DIS3: variants seen among roughly 807,000 people sequenced by gnomAD.
DIS3 encodes the protein exosome complex exonuclease RRP44.
A neutral mutation model predicts 113.0 loss-of-function variants in DIS3; 103 were observed. That is an observed-to-expected ratio of 0.91 (90% CI 0.78 to 1.07). The LOEUF is 1.07. DIS3 is among the 50% of genes least tolerant of loss of function. The probability of loss-of-function intolerance (pLI) is 0.00; values close to 1 mark genes in which losing one functional copy is unlikely to be tolerated. For missense variants in DIS3, 1,121 were observed against 1,167.1 expected (o/e 0.96, Z 0.58); for synonymous variants, 402 against 394.3 (o/e 1.02, Z -0.23).
At chr13:72,765,882 A>G (rs1462453323) in intron 15 of DIS3, 90 bp downstream of exon 15, 1 of 880,836 alleles carries the variant, frequency 1.1e-6, no homozygotes, top group Non-Finnish European at 1.6e-6. Context: ...ATTATTTTGT[A>G]TATAAACGTT....
chr13:72,763,597 A>C lies in DIS3; in HGVS notation c.1981T>G (p.Ser661Ala), dbSNP rs764907945. 1.9e-5 allele frequency: 30 copies of C among 1,610,732 alleles called. No individual in the cohort carries two copies. In the South Asian group the frequency reaches 3.2e-4, roughly 17 times the overall value. The change falls in exon 16 of 21, where the codon TCC (serine) becomes GCC (alanine). Residue 661 changes from serine (S) to alanine (A), a missense_variant. Physicochemically the swap from Ser to Ala is moderately conservative, Grantham distance 99 (BLOSUM62 1). This residue lies in a region of DIS3 where 861 missense variants were observed against 915.5 expected (regional missense o/e 0.94). Coordinates refer to ENST00000377767, the MANE Select transcript of DIS3 (RefSeq NM_014953.5). ...AGTAACATAAATTCTTCAACCATGGAATTTGTTTCCCTGCCAATGGAAAAA... is the reference window on the plus strand; with the variant it reads ...AGTAACATAAATTCTTCAACCATGGCATTTGTTTCCCTGCCAATGGAAAAA... ...LQTKELRETN[S>A]MVEEFMLLAN... is the part of the protein sequence containing the mutation.
intron 3 of DIS3, among the ~76,000 whole-genome samples, chr13:72,777,711 C>A (rs2034050624): frequency 6.6e-6 from 1 of 151,996 alleles, no homozygotes; most frequent in African/African-American, 2.4e-5. Flanking sequence ...CCTTAGCCTC[C>A]CGAGTAGCTG....
At chr13:72,778,490 A>C in intron 2 of DIS3, 110 bp from the exon 3 acceptor site, 1 of 777,680 alleles carries the variant, frequency 1.3e-6, no homozygotes, top group South Asian at 3.2e-5. Flanking sequence ...TCAATGGTAT[A>C]TCTTTTCTCT....
At position 72,758,933 on chromosome 13, in the gene DIS3, TAGTC is replaced by T. The variant is rs561567131; in HGVS notation, c.*858_*861del. On this transcript the variant is annotated 3_prime_UTR_variant, in exon 21 of 21. Coordinates refer to ENST00000377767, the MANE Select transcript of DIS3 (RefSeq NM_014953.5). Reference sequence around the variant, plus strand: ...TAATCTCTGTGATTAGCAAGGGAAGTAGTCAGTCTGGCACACCAAATTTTATTAA... The same window carrying T: ...TAATCTCTGTGATTAGCAAGGGAAGTAGTCTGGCACACCAAATTTTATTAA... 166 of 181,166 alleles carry T rather than the reference TAGTC, an allele frequency of 9.2e-4. 5 individuals carry two copies. In the South Asian group the frequency reaches 0.031, roughly 34 times the overall value. 11.2% of individuals were successfully genotyped at this position (181,166 alleles called of 1,614,324 possible). A position where few individuals can be genotyped will look rare whatever the true frequency, so the allele number is the denominator to read the frequency against.
chr13:72,773,531 G>C (rs1566248011), intron 8 of DIS3, among the ~76,000 whole-genome samples, 153 bp downstream of exon 8: 1 of 152,124 alleles, frequency 6.6e-6, no homozygotes, highest in Non-Finnish European at 1.5e-5. Flanking sequence ...AATTTTCAAA[G>C]TAGACATGCT....
Position 72,753,302 on chromosome 13 carries a change from T to C in DIS3, c.*6493A>G, listed in dbSNP as rs2138112339. The C allele has an allele frequency of 6.2e-6, 1 of 160,384 alleles. No homozygotes were observed. The highest frequency in any genetic ancestry group is 1.8e-4 in the East Asian group (1 of 5,516). The allele number at this position is 160,384 out of a possible 1,614,324, so 9.9% of individuals were successfully genotyped here. A position where few individuals can be genotyped will look rare whatever the true frequency, so the allele number is the denominator to read the frequency against. Reference sequence around the variant, plus strand: ...TAGGTGTAAATATAATATAATCCACTTTTTTAAAGGCAGCATGCCTCAAGC... The same window carrying C: ...TAGGTGTAAATATAATATAATCCACCTTTTTAAAGGCAGCATGCCTCAAGC... On this transcript the variant is annotated 3_prime_UTR_variant, in exon 21 of 21. Transcript: ENST00000377767.
intron 15 of DIS3, 98 bp downstream of exon 15, chr13:72,765,874 T>C: frequency 1.2e-6 from 1 of 809,782 alleles, no homozygotes; most frequent in Non-Finnish European, 1.8e-6. Flanking sequence ...CCCTAATCAT[T>C]ATTTTGTATA....
chr13:72,773,600 T>C, intron 8 of DIS3, 84 bp downstream of exon 8: 3 of 1,411,396 alleles, frequency 2.1e-6, no homozygotes, highest in Non-Finnish European at 2.9e-6. Context: ...TACATAAAAG[T>C]AGATTGTTTT....
In DIS3 at chr13:72,755,803, A is replaced by T; in HGVS notation, c.*3992T>A. ...TACTACTTTTAAGTATGTAAATACTAGAAAGGTAGTACTAGTGACATCATC... is the reference window on the plus strand; with the variant it reads ...TACTACTTTTAAGTATGTAAATACTTGAAAGGTAGTACTAGTGACATCATC... On this transcript the variant is annotated 3_prime_UTR_variant, in exon 21 of 21. Transcript: ENST00000377767. The T allele has an allele frequency of 2.5e-6, 1 of 398,548 alleles. No homozygotes were observed. Among genetic ancestry groups the T allele is most frequent in the Non-Finnish European group, 4.4e-6 (1 of 226,080 alleles). 24.7% of individuals were successfully genotyped at this position (398,548 alleles called of 1,614,324 possible).
rs760132096 is a variant in DIS3, at chr13:72,775,214, T to C, written c.984A>G (p.Arg328=). The change falls in exon 6 of 21, where the codon CGA becomes CGG. Residue 328 remains arginine, a synonymous_variant. Transcript: ENST00000377767. The stretch of plus-strand genomic sequence containing the variant: ...AAAATCCTGCTTAGATTCATACCAT[T>C]CGTTCTGTCTCTTCTTCTTTCTCCA... ...EDVEKEEETE[R]MLKTAVSEKM... 1.9e-4 allele frequency: 299 copies of C among 1,611,550 alleles called. No individual in the cohort carries two copies. Among genetic ancestry groups the C allele is most frequent in the Non-Finnish European group, 1.8e-4 (213 of 1,178,952 alleles).
chr13:72,768,939 A>G, intron 13 of DIS3, 27 bp from the exon 14 acceptor site: 1 of 1,467,170 alleles, frequency 6.8e-7, no homozygotes, highest in Non-Finnish European at 9.3e-7. Context: ...ATGTTATATA[A>G]TTCTTATAAA....
rs934680237 is a variant in DIS3, at chr13:72,771,810, C to A, written c.1590G>T (p.Val530=). 1 of 1,613,520 alleles carries A rather than the reference C, an allele frequency of 6.2e-7. No homozygotes were observed. Among genetic ancestry groups the A allele is most frequent in the Non-Finnish European group, 8.5e-7 (1 of 1,179,812 alleles). The change falls in exon 11 of 21, where the codon GTG becomes GTT. Residue 530 remains valine, a synonymous_variant. Transcript: ENST00000377767. ...DQESARRGTT[V]YLCEKRIDMV... ...ATACATTTACCTTTTCACAAAGATA[C>A]ACAGTTGTTCCTCTTCTGGCTGATT...
rs150837436 is a variant in DIS3, at chr13:72,765,077, A to G, written c.1970+895T>C. On this transcript the variant is annotated intron_variant, in intron 15 of 20. Transcript: ENST00000377767. ...AAGTGCATATGCATGTTGAATTCCAAAATTACCTTAATGTAAATAAGAGGC... is the reference window on the plus strand; with the variant it reads ...AAGTGCATATGCATGTTGAATTCCAGAATTACCTTAATGTAAATAAGAGGC... Among the ~76,000 whole-genome samples the G allele has an allele frequency of 3.7e-3, 570 of 152,286 alleles. 2 individuals carry two copies. Among genetic ancestry groups the G allele is most frequent in the African/African-American group, 0.012 (503 of 41,570 alleles).
Position 72,761,456 on chromosome 13 carries a change from G to T in DIS3, c.2577C>A (p.Ala859=). 3 of 1,610,658 alleles carry T rather than the reference G, an allele frequency of 1.9e-6. No individual in the cohort carries two copies. The highest frequency in any genetic ancestry group is 1.3e-5 in the African/African-American group (1 of 74,812). ...EAYILFVRKN[A]IVVLIPKYGL... ...CATACTTTGGAATTAATACCACAATGGCATTCTTTCTTACAAATAAAATAT... is the reference window on the plus strand; with the variant it reads ...CATACTTTGGAATTAATACCACAATTGCATTCTTTCTTACAAATAAAATAT... The change falls in exon 19 of 21, where the codon GCC becomes GCA. Residue 859 remains alanine, a synonymous_variant. Coordinates refer to ENST00000377767, the MANE Select transcript of DIS3 (RefSeq NM_014953.5).
At chr13:72,780,093 T>C (rs1257653884) in intron 2 of DIS3, among the ~76,000 whole-genome samples, 2 of 151,958 alleles carry the variant, frequency 1.3e-5, no homozygotes, top group Non-Finnish European at 2.9e-5. Context: ...TTTGAGAGGC[T>C]GAGGCAGGTG....
At chr13:72,781,241 A>G (rs1459789408) in intron 1 of DIS3, 6 of 1,544,258 alleles carry the variant, frequency 3.9e-6, no homozygotes, top group Non-Finnish European at 5.3e-6. Context: ...AAGGGTATTA[A>G]TAAAGGAATA....
Position 72,753,055 on chromosome 13 carries a change from A to G in DIS3, c.*6740T>C, listed in dbSNP as rs1437822484. 1 of 152,196 alleles carries G rather than the reference A, an allele frequency of 6.6e-6. No homozygotes were observed. The highest frequency in any genetic ancestry group is 6.5e-5 in the Admixed American group (1 of 15,274). The allele number at this position is 152,196 out of a possible 1,614,324, so 9.4% of individuals were successfully genotyped here. On this transcript the variant is annotated 3_prime_UTR_variant, in exon 21 of 21. Coordinates refer to ENST00000377767, the MANE Select transcript of DIS3 (RefSeq NM_014953.5). The stretch of plus-strand genomic sequence containing the variant: ...CCTTAATTTCCTTCTCTAGTAAAGT[A>G]TTAGGGTTGTTGAAAGGAGAAAAAA...
At chr13:72,763,688 T>C (rs917732909) in intron 15 of DIS3, 81 bp from the exon 16 acceptor site, 137 of 1,374,468 alleles carry the variant, frequency 1.0e-4, no homozygotes, top group Admixed American at 9.1e-4. Flanking sequence ...AGGTTACCTT[T>C]GTTACCAAGA....
chr13:72,765,461 C>A (rs1317833862), intron 15 of DIS3, among the ~76,000 whole-genome samples: 2 of 152,036 alleles, frequency 1.3e-5, no homozygotes, highest in African/African-American at 4.8e-5. Context: ...CTCTTCTATG[C>A]GACAAGGGGA....
Sources: allele counts gnomAD v4.1 joint callset (sites outside exome capture counted in the v4.1 genomes callset), GRCh38; gene constraint gnomAD v4.1.1; regional missense constraint gnomAD v4.1.1; transcripts MANE v1.5; gene names NCBI Gene and HGNC (gene_info 2026-07-23, HGNC 2026-07-21).